The following IDO2 variants were observed in gnomAD, a reference collection of about 807,000 sequenced individuals.
The protein encoded by IDO2 is indoleamine 2,3-dioxygenase 2.
A neutral mutation model predicts 45.1 loss-of-function variants in IDO2; 46 were observed. The observed-to-expected ratio is 1.02, with a 90% CI of 0.80 to 1.30. The LOEUF (loss-of-function observed/expected upper bound fraction) is 1.30, where lower values mean the gene tolerates loss of function less well. IDO2 is among the 50% of genes most tolerant of loss of function. The pLI is 0.00. For synonymous variants in IDO2, 218 were observed against 184.9 expected, an observed-to-expected ratio of 1.18 and a Z score of -1.45; for missense variants, 544 against 491.8, an observed-to-expected ratio of 1.11 and a Z score of -1.00.
chr8:39,943,504 G>T (rs6474196), intron 1 of IDO2, among the ~76,000 whole-genome samples: 62,895 of 151,800 alleles, frequency 0.41, 13,216 homozygotes, highest in East Asian at 0.59. Flanking sequence ...CTAGGAGGCC[G>T]AGGCGGGCAG....
intron 6 of IDO2, chr8:39,985,985 A>C (rs2129594626): frequency 6.5e-6 from 1 of 153,788 alleles, no homozygotes; most frequent in Middle Eastern, 3.3e-3. Context: ...ACCCACCACC[A>C]CACCTGGCTA....
chr8:39,982,076 T>C (rs1426771287), intron 4 of IDO2, among the ~76,000 whole-genome samples: 1 of 152,160 alleles, frequency 6.6e-6, no homozygotes, highest in South Asian at 2.1e-4. Context: ...CATACCTAGG[T>C]GCACACACAG....
chr8:39,987,890 T>A (rs868586180), exon 7 of IDO2: 1 of 1,609,570 alleles, frequency 6.2e-7, no homozygotes, highest in South Asian at 1.1e-5. Flanking sequence ...GACCATCATC[T>A]CATTTCCTGG....
chr8:39,965,311 C>A (rs1808068398), intron 3 of IDO2, among the ~76,000 whole-genome samples: 1 of 152,110 alleles, frequency 6.6e-6, no homozygotes, highest in African/African-American at 2.4e-5. Context: ...CATGGTGAAA[C>A]CATGTCTCTA....
intron 1 of IDO2, among the ~76,000 whole-genome samples, chr8:39,939,787 A>G (rs943884854): frequency 6.6e-6 from 1 of 152,142 alleles, no homozygotes; most frequent in Non-Finnish European, 1.5e-5. Context: ...TTTAGGAACA[A>G]AGAAGTAATT....
intron 8 of IDO2, among the ~76,000 whole-genome samples, chr8:39,990,198 A>T (rs1338111223): frequency 6.6e-6 from 1 of 152,158 alleles, no homozygotes; most frequent in Non-Finnish European, 1.5e-5. Flanking sequence ...ACTGCAGAGC[A>T]GGTTGTCTAC....
chr8:39,994,834 C>T (rs1047445009), intron 8 of IDO2, among the ~76,000 whole-genome samples: 11 of 151,986 alleles, frequency 7.2e-5, no homozygotes, highest in African/African-American at 2.7e-4. Context: ...GATTAATTAA[C>T]ACCAAAAGAA....
Position 40,005,313 on chromosome 8 carries a change from G to T in IDO2, c.668-14G>T, listed in dbSNP as rs754273410. On this transcript the variant is annotated splice_polypyrimidine_tract_variant and intron_variant, in intron 8 of 10. Coordinates refer to ENST00000502986, the Ensembl canonical transcript of IDO2. ...TTGCCTGTAGTAAAGTTCACATTTT[G>T]ATTGCTTCTCCAGATTATGTAGATC... 1.3e-5 allele frequency: 20 copies of T among 1,561,214 alleles called. No individual in the cohort carries two copies. In the Admixed American group the frequency reaches 1.9e-4, roughly 15 times the overall value.
chr8:39,985,357 G>T (rs1234121362), intron 5 of IDO2, 151 bp from the exon 6 acceptor site: 2 of 657,030 alleles, frequency 3.0e-6, no homozygotes, highest in Non-Finnish European at 5.4e-6. Flanking sequence ...AGTAAGTGTG[G>T]ATGTGTGTGT....
chr8:39,991,845 A>T (rs2129594847), intron 8 of IDO2, among the ~76,000 whole-genome samples: 1 of 152,316 alleles, frequency 6.6e-6, no homozygotes, highest in Middle Eastern at 3.4e-3. Context: ...TGCTGGGATT[A>T]CAGCCGTGAG....
chr8:40,004,446 AATAC>A (rs1317626328), intron 8 of IDO2, among the ~76,000 whole-genome samples: 2 of 152,194 alleles, frequency 1.3e-5, no homozygotes, highest in African/African-American at 2.4e-5. Flanking sequence ...TAGATAGATA[AATAC>A]ATAGATAGAT....
intron 3 of IDO2, among the ~76,000 whole-genome samples, chr8:39,972,494 C>CT (rs1203338855): frequency 6.7e-6 from 1 of 150,262 alleles, no homozygotes; most frequent in Non-Finnish European, 1.5e-5. Context: ...CCTGTGATCC[C>CT]AGCTACTTGG....
chr8:39,989,691 A>G, intron 7 of IDO2, 30 bp from the exon 8 acceptor site: 2 of 1,450,074 alleles, frequency 1.4e-6, no homozygotes, highest in Non-Finnish European at 9.5e-7. Flanking sequence ...GGGAGTGCTA[A>G]TAAGTTGTGT....
chr8:40,015,123 C>G lies in IDO2; in HGVS notation c.869-124C>G, dbSNP rs561173371. Reference sequence around the variant, plus strand: ...TAAGCTGAGATCACACCACTGCACTCCAGCCTGGGCAACAGAGCAAGATCT... The same window carrying G: ...TAAGCTGAGATCACACCACTGCACTGCAGCCTGGGCAACAGAGCAAGATCT... On this transcript the variant is annotated intron_variant, in intron 10 of 10. Coordinates refer to ENST00000502986, the Ensembl canonical transcript of IDO2. 7.9e-6 allele frequency: 5 copies of G among 630,418 alleles called. No individual in the cohort carries two copies. The African/African-American group carries it at 9.3e-5, about 12-fold the overall frequency. The allele number at this position is 630,418 out of a possible 1,614,324, so 39.1% of individuals were successfully genotyped here.
intron 3 of IDO2, among the ~76,000 whole-genome samples, chr8:39,974,360 T>C (rs1009453519): frequency 5.3e-5 from 8 of 152,228 alleles, no homozygotes; most frequent in African/African-American, 1.9e-4. Flanking sequence ...ATTAACTGGC[T>C]CTGCTCTTTT....
At chr8:39,951,255 C>T (rs1226491026) in intron 2 of IDO2, among the ~76,000 whole-genome samples, 1 of 148,266 alleles carries the variant, frequency 6.7e-6, no homozygotes, top group Non-Finnish European at 1.5e-5. Context: ...ACTGCAATGA[C>T]TGCAACATCG....
chr8:39,982,692 C>G, exon 5 of IDO2: 1 of 1,611,838 alleles, frequency 6.2e-7, no homozygotes, highest in Non-Finnish European at 8.5e-7. Context: ...GTCGAAGTCT[C>G]CAGGAACTTG....
At chr8:39,947,026 G>C (rs1245219882) in intron 1 of IDO2, among the ~76,000 whole-genome samples, 1 of 151,692 alleles carries the variant, frequency 6.6e-6, no homozygotes, top group Non-Finnish European at 1.5e-5. Context: ...CGTGGTGGTG[G>C]GTGCCTACAA....
At chr8:40,007,842 C>A (rs1015803145) in intron 9 of IDO2, among the ~76,000 whole-genome samples, 17 of 152,108 alleles carry the variant, frequency 1.1e-4, no homozygotes, top group African/African-American at 4.1e-4. Flanking sequence ...GTCAATTTAT[C>A]TATTGGGCTG....
Sources: gnomAD v4.1 joint callset for allele counts (sites outside exome capture counted in the v4.1 genomes callset) on GRCh38, gnomAD v4.1.1 for gene constraint, MANE v1.5 for transcripts, NCBI Gene and HGNC (gene_info 2026-07-23, HGNC 2026-07-21) for gene names.